The following DCDC1 variants were observed in gnomAD, a reference collection of about 807,000 sequenced individuals.
DCDC1 encodes doublecortin domain-containing protein 1.
In DCDC1, 200 loss-of-function variants were observed where a neutral mutation model predicts 178.3. The ratio of observed to expected loss-of-function variants is 1.12; its 90% confidence interval spans 1.00 to 1.26. The LOEUF is 1.26. DCDC1 is among the 50% of genes most tolerant of loss of function. The pLI is 0.00. For missense variants in DCDC1, 1,983 were observed against 1,749.2 expected (o/e 1.13, Z -2.38); for synonymous variants, 690 against 604.8 (o/e 1.14, Z -2.07).
chr11:31,058,661 A>G (rs1955738933), intron 20 of DCDC1, among the ~76,000 whole-genome samples: 1 of 152,082 alleles, frequency 6.6e-6, no homozygotes, highest in African/African-American at 2.4e-5. Flanking sequence ...AGAGAAAATA[A>G]GAAGCCATTG....
intron 1 of DCDC1, among the ~76,000 whole-genome samples, chr11:31,367,402 T>C (rs1348048759): frequency 6.6e-6 from 1 of 152,216 alleles, no homozygotes; most frequent in African/African-American, 2.4e-5. Flanking sequence ...TAAACAAAAC[T>C]AAACAAACAA....
chr11:31,122,008 A>G (rs1960884227), intron 11 of DCDC1, among the ~76,000 whole-genome samples: 1 of 152,146 alleles, frequency 6.6e-6, no homozygotes, highest in Admixed American at 6.6e-5. Context: ...CATAATCAGA[A>G]AAGATGTGGC....
At chr11:31,081,536 G>A (rs911539038) in intron 17 of DCDC1, among the ~76,000 whole-genome samples, 1 of 152,112 alleles carries the variant, frequency 6.6e-6, no homozygotes, top group African/African-American at 2.4e-5. Flanking sequence ...CTTGAACCCA[G>A]GAGGCGGAGG....
At chr11:30,972,631 A>C (rs1421428110) in intron 20 of DCDC1, among the ~76,000 whole-genome samples, 1 of 152,204 alleles carries the variant, frequency 6.6e-6, no homozygotes, top group Non-Finnish European at 1.5e-5. Context: ...AAAGATAAAG[A>C]AAGAAACAAG....
intron 38 of DCDC1, among the ~76,000 whole-genome samples, chr11:30,873,497 T>A (rs1941829517): frequency 6.6e-6 from 1 of 152,072 alleles, no homozygotes; most frequent in African/African-American, 2.4e-5. Context: ...TCTCTCAAGC[T>A]ATATGGATTT....
intron 9 of DCDC1, among the ~76,000 whole-genome samples, chr11:31,200,151 T>C (rs1243352056): frequency 6.6e-6 from 1 of 152,112 alleles, no homozygotes; most frequent in African/African-American, 2.4e-5. Context: ...CTCAGGACTC[T>C]AGTAAACTAC....
chr11:30,866,022 T>C (rs1330539845), intron 38 of DCDC1, among the ~76,000 whole-genome samples: 4 of 152,048 alleles, frequency 2.6e-5, no homozygotes, highest in East Asian at 1.9e-4. Context: ...AATAAGATCA[T>C]TGCAGATGTA....
At chr11:30,891,363 C>T (rs1943756014) in intron 36 of DCDC1, among the ~76,000 whole-genome samples, 1 of 152,142 alleles carries the variant, frequency 6.6e-6, no homozygotes, top group South Asian at 2.1e-4. Context: ...ACCAGAGTCA[C>T]ATAAATCAAA....
chr11:31,266,227 T>C (rs1193680122), intron 7 of DCDC1, among the ~76,000 whole-genome samples: 1 of 152,224 alleles, frequency 6.6e-6, no homozygotes, highest in Non-Finnish European at 1.5e-5. Flanking sequence ...TCAAGGACTT[T>C]ACCTTTAATG....
chr11:30,985,682 T>C (rs1244680227), intron 20 of DCDC1, among the ~76,000 whole-genome samples: 2 of 152,080 alleles, frequency 1.3e-5, no homozygotes, highest in Non-Finnish European at 2.9e-5. Flanking sequence ...CTGAGGAAGG[T>C]GGGGCCCAGA....
intron 9 of DCDC1, among the ~76,000 whole-genome samples, chr11:31,145,979 C>T (rs1964403634): frequency 1.3e-5 from 2 of 151,928 alleles, no homozygotes; most frequent in African/African-American, 2.4e-5. Flanking sequence ...GAGTTAGACA[C>T]TAATATTACT....
intron 34 of DCDC1, among the ~76,000 whole-genome samples, chr11:30,898,659 A>G (rs551487562): frequency 6.6e-6 from 1 of 152,224 alleles, no homozygotes; most frequent in Non-Finnish European, 1.5e-5. Flanking sequence ...GTCTAGCAGT[A>G]GGAGTGGTAG....
intron 17 of DCDC1, 52 bp from the exon 18 acceptor site, chr11:31,077,977 T>C: frequency 1.3e-6 from 1 of 757,230 alleles, no homozygotes; most frequent in South Asian, 1.4e-5. Context: ...ACAGAAACAC[T>C]TGTAGGTTTT....
chr11:30,913,528 G>A (rs1590339689), intron 27 of DCDC1, among the ~76,000 whole-genome samples: 1 of 152,126 alleles, frequency 6.6e-6, no homozygotes, highest in African/African-American at 2.4e-5. Flanking sequence ...TCTTCTCTCT[G>A]GACTCTGACG....
At chr11:31,082,219 T>C (rs939180400) in intron 17 of DCDC1, among the ~76,000 whole-genome samples, 1 of 152,172 alleles carries the variant, frequency 6.6e-6, no homozygotes, top group Admixed American at 6.5e-5. Flanking sequence ...AGACTTGAGT[T>C]CTAGTCCTGC....
chr11:31,146,238 ATT>A (rs371843331), intron 9 of DCDC1, among the ~76,000 whole-genome samples: 1 of 150,882 alleles, frequency 6.6e-6, no homozygotes, highest in Non-Finnish European at 1.5e-5. Flanking sequence ...TGCCTGGCTA[ATT>A]TTTTTTTGTT....
In DCDC1 at chr11:31,306,246, G is replaced by T; in HGVS notation, c.577C>A (p.Pro193Thr). 4.4e-6 allele frequency: 7 copies of T among 1,587,666 alleles called. No individual in the cohort carries two copies. The highest frequency in any genetic ancestry group is 6.0e-6 in the Non-Finnish European group (7 of 1,167,038). ...SRTVFARVTV[P>T]TITLLLEECT... is the part of the protein sequence containing the mutation. ...ACACTAGTTACCAAGGTGATGGTTG[G>T]TACAGTAACTCTGGCAAAGACTGTT... The change falls in exon 5 of 39, where the codon CCA becomes ACA. Residue 193 changes from proline (P) to threonine (T), a missense_variant. Pro to Thr is a conservative substitution (Grantham distance 38). Coordinates refer to ENST00000684477, the MANE Select transcript of DCDC1 (RefSeq NM_001387274.1).
chr11:31,325,124 A>G lies in DCDC1; in HGVS notation c.164+2993T>C, dbSNP rs552918950. 3.9e-5 allele frequency among the ~76,000 whole-genome samples: 6 copies of G among 152,284 alleles called. No homozygotes were observed. In the South Asian group the frequency reaches 1.2e-3, roughly 32 times the overall value. ...AACAACATATTTTACATTGAGATGGAAAAATATACTAATTGTTTACAACAT... is the reference window on the plus strand; with the variant it reads ...AACAACATATTTTACATTGAGATGGGAAAATATACTAATTGTTTACAACAT... On this transcript the variant is annotated intron_variant, in intron 3 of 38. Transcript: ENST00000684477.
intron 20 of DCDC1, among the ~76,000 whole-genome samples, chr11:30,957,007 C>T (rs1310003677): frequency 6.6e-6 from 1 of 152,126 alleles, no homozygotes; most frequent in Non-Finnish European, 1.5e-5. Flanking sequence ...GAAGACTTTC[C>T]TCATCCTCCC....
Sources: gnomAD v4.1 joint callset for allele counts (sites outside exome capture counted in the v4.1 genomes callset) on GRCh38, gnomAD v4.1.1 for gene constraint, MANE v1.5 for transcripts, NCBI Gene and HGNC (gene_info 2026-07-23, HGNC 2026-07-21) for gene names.